Variants in ATF2 observed in about 807,000 individuals in gnomAD.
ATF2 encodes the protein cyclic AMP-dependent transcription factor ATF-2.
ATF2 carries 24 observed loss-of-function variants against 60.6 expected under a neutral mutation model. The ratio of observed to expected loss-of-function variants is 0.40; its 90% CI spans 0.29 to 0.56. The LOEUF is 0.56. ATF2 is among the 20% of genes least tolerant of loss of function. The pLI is 0.54. For synonymous variants in ATF2, 206 were observed against 215.4 expected (o/e 0.96, Z 0.38); for missense variants, 433 against 607.7 (o/e 0.71, Z 3.02).
At chr2:175,099,163 G>A (rs1424084388) in intron 10 of ATF2, among the ~76,000 whole-genome samples, 1 of 150,024 alleles carries the variant, frequency 6.7e-6, no homozygotes, top group Admixed American at 6.6e-5. Flanking sequence ...GAGGGCAGTG[G>A]CATGATCTTA....
Position 175,094,403 on chromosome 2 carries a change from GAAAAA to G in ATF2, c.979-1141_979-1137del, listed in dbSNP as rs61440218. Among the ~76,000 whole-genome samples, 214 of 61,144 alleles carry G rather than the reference GAAAAA, an allele frequency of 3.5e-3. 2 individuals are homozygous for G. Among genetic ancestry groups the G allele is most frequent in the African/African-American group, 7.9e-3 (170 of 21,550 alleles). The allele number at this position is 61,144 out of a possible 152,430, so 40.1% of individuals were successfully genotyped here. A position where few individuals can be genotyped will look rare whatever the true frequency, so the allele number is the denominator to read the frequency against. ...AGCGAGACTCAGTCTCAAAAAATAC[GAAAAA>G]AAAAAAAAAAAAAAAAAAAAAGAAA... On this transcript the variant is annotated intron_variant, in intron 11 of 13. Coordinates refer to ENST00000264110, the MANE Select transcript of ATF2 (RefSeq NM_001880.4).
intron 4 of ATF2, among the ~76,000 whole-genome samples, chr2:175,124,007 C>T (rs1313136983): frequency 6.6e-6 from 1 of 151,990 alleles, no homozygotes; most frequent in African/African-American, 2.4e-5. Flanking sequence ...GAAAGAAATG[C>T]ATTCTTTATT....
Position 175,139,399 on chromosome 2 carries a change from C to T in ATF2, c.-43-2913G>A, listed in dbSNP as rs547233159. Among the ~76,000 whole-genome samples, 3 of 152,268 alleles carry T rather than the reference C, an allele frequency of 2.0e-5. No individual in the cohort carries two copies. The East Asian group carries it at 5.8e-4, about 29-fold the overall frequency. ...TTTTAAAGAAATAGATAGCCAGGCGCAGTGGCTCACGCCTGTAATGCCAGC... is the reference window on the plus strand; with the variant it reads ...TTTTAAAGAAATAGATAGCCAGGCGTAGTGGCTCACGCCTGTAATGCCAGC... On this transcript the variant is annotated intron_variant, in intron 2 of 13. Coordinates refer to ENST00000264110, the MANE Select transcript of ATF2 (RefSeq NM_001880.4).
chr2:175,153,959 C>G (rs1232250072), intron 1 of ATF2, among the ~76,000 whole-genome samples: 2 of 151,714 alleles, frequency 1.3e-5, no homozygotes, highest in African/African-American at 4.8e-5. Flanking sequence ...GTGGCTCACG[C>G]CTGTAATCCC....
intron 2 of ATF2, among the ~76,000 whole-genome samples, chr2:175,143,032 T>C (rs1267415046): frequency 2.0e-5 from 3 of 152,184 alleles, no homozygotes; most frequent in East Asian, 1.9e-4. Flanking sequence ...GAAGTTTTCA[T>C]TGGCGTTCAG....
chr2:175,097,467 C>T lies in ATF2; in HGVS notation c.955G>A (p.Ala319Thr). The T allele has an allele frequency of 6.2e-7, 1 of 1,614,024 alleles. No homozygotes were observed. Among genetic ancestry groups the T allele is most frequent in the Non-Finnish European group, 8.5e-7 (1 of 1,179,976 alleles). The change falls in exon 11 of 14, where the codon GCC becomes ACC. Residue 319 changes from alanine (A) to threonine (T), a missense_variant. This residue lies in a region of ATF2 where 246 missense variants were observed against 309.3 expected (regional missense o/e 0.80). Transcript: ENST00000264110. Reference protein sequence around the residue: ...ESRPQSLQQPATSTTETPASP... With the variant: ...ESRPQSLQQPTTSTTETPASP... The stretch of plus-strand genomic sequence containing the variant: ...ACCGGAGTTTCTGTAGTGGATGTGG[C>T]TGGCTGTTGTAATGACTGCGGTCGA...
At position 175,103,625 on chromosome 2, in the gene ATF2, C is replaced by T. The variant is rs529629719; in HGVS notation, c.829-6032G>A. Among the ~76,000 whole-genome samples the T allele has an allele frequency of 2.0e-5, 3 of 151,004 alleles. No homozygotes were observed. The East Asian group carries it at 5.8e-4, about 29-fold the overall frequency. The stretch of plus-strand genomic sequence containing the variant: ...TTCAGTAGAAACCCCCTGCAGAAAA[C>T]CTACTGGCTACCCACTGTGTGCAAA... On this transcript the variant is annotated intron_variant, in intron 10 of 13. Coordinates refer to ENST00000264110, the MANE Select transcript of ATF2 (RefSeq NM_001880.4).
chr2:175,167,492 A>G, intron 1 of ATF2: 1 of 406,606 alleles, frequency 2.5e-6, no homozygotes, highest in Non-Finnish European at 5.2e-6. Flanking sequence ...TTCAAGCTGC[A>G]CCGCAGCCAG....
At chr2:175,117,627 A>C (rs1696670328) in intron 7 of ATF2, among the ~76,000 whole-genome samples, 1 of 152,006 alleles carries the variant, frequency 6.6e-6, no homozygotes, top group Non-Finnish European at 1.5e-5. Flanking sequence ...AATCCTGTAA[A>C]AGTCTAAAAA....
At chr2:175,136,780 A>T (rs1419895667) in intron 2 of ATF2, among the ~76,000 whole-genome samples, 2 of 152,212 alleles carry the variant, frequency 1.3e-5, no homozygotes, top group Non-Finnish European at 2.9e-5. Flanking sequence ...GAGTAAAAAA[A>T]TCCTTACTTT....
At chr2:175,131,829 T>C (rs1016382618) in intron 3 of ATF2, among the ~76,000 whole-genome samples, 5 of 152,300 alleles carry the variant, frequency 3.3e-5, no homozygotes, top group South Asian at 2.1e-4. Flanking sequence ...AACGTTTTTG[T>C]TTATGTACTA....
rs145547400 is a variant in ATF2, at chr2:175,093,079, T to C, written c.1167A>G (p.Ser389=). The change falls in exon 12 of 14, where the codon TCA becomes TCG. Residue 389 remains serine (S), a synonymous_variant. Coordinates refer to ENST00000264110, the MANE Select transcript of ATF2 (RefSeq NM_001880.4). The stretch of plus-strand genomic sequence containing the variant: ...ACCATACCTGCAGCTGACCATTTAA[T>C]GAACTCAAGTCTTCAGCTTTCTTCT... The part of the protein sequence containing the change: ...SLEKKAEDLS[S]LNGQLQSEVT... The C allele has an allele frequency of 3.7e-5, 60 of 1,614,190 alleles. 1 individual carries two copies. The African/African-American group carries it at 7.1e-4, about 19-fold the overall frequency.
At chr2:175,105,831 T>C (rs1695618715) in intron 10 of ATF2, among the ~76,000 whole-genome samples, 1 of 151,902 alleles carries the variant, frequency 6.6e-6, no homozygotes, top group Admixed American at 6.6e-5. Context: ...TAAATCAATA[T>C]GAAAAAGATA....
Position 175,131,672 on chromosome 2 carries a change from T to C in ATF2, c.33-1465A>G, listed in dbSNP as rs140595776. Among the ~76,000 whole-genome samples, 1,133 of 152,342 alleles carry C rather than the reference T, an allele frequency of 7.4e-3. 32 individuals carry two copies. Among genetic ancestry groups the C allele is most frequent in the Middle Eastern group, 0.051 (15 of 294 alleles). On this transcript the variant is annotated intron_variant, in intron 3 of 13. Coordinates refer to ENST00000264110, the MANE Select transcript of ATF2 (RefSeq NM_001880.4). ...TTACAAACTAAGGAATACTGATATA[T>C]AAATTTTTAAGTAAGAGCAAAGTAT...
intron 1 of ATF2, among the ~76,000 whole-genome samples, chr2:175,167,460 G>A (rs1418106353): frequency 6.6e-6 from 1 of 152,118 alleles, no homozygotes; most frequent in African/African-American, 2.4e-5. Flanking sequence ...CCAGCTCCTA[G>A]GTTCTCCACA....
chr2:175,086,107 C>A (rs1395298516), intron 12 of ATF2, among the ~76,000 whole-genome samples: 1 of 152,078 alleles, frequency 6.6e-6, no homozygotes, highest in Non-Finnish European at 1.5e-5. Flanking sequence ...AAGGTCTGCA[C>A]AATACAAATT....
At chr2:175,092,725 T>C (rs1457569090) in intron 12 of ATF2, 4 of 362,472 alleles carry the variant, frequency 1.1e-5, no homozygotes, top group South Asian at 2.5e-5. Flanking sequence ...ACCAAAAAAA[T>C]AGACAAGAAA....
chr2:175,141,983 T>C (rs1698577487), intron 2 of ATF2, among the ~76,000 whole-genome samples: 1 of 151,456 alleles, frequency 6.6e-6, no homozygotes, highest in Non-Finnish European at 1.5e-5. Flanking sequence ...GAGGAAGAGA[T>C]GGAACAGAAA....
chr2:175,099,946 GAGTGCCAAACCTGTT>G (rs752503030), intron 10 of ATF2, among the ~76,000 whole-genome samples: 1 of 152,236 alleles, frequency 6.6e-6, no homozygotes, highest in Non-Finnish European at 1.5e-5. Flanking sequence ...TAAGGATTTA[GAGTGCCAAACCTGTT>G]ACTGCAACTG....
Sources: gnomAD v4.1 joint callset for allele counts (sites outside exome capture counted in the v4.1 genomes callset) on GRCh38, gnomAD v4.1.1 for gene constraint, gnomAD v4.1.1 regional missense constraint, MANE v1.5 for transcripts, NCBI Gene and HGNC (gene_info 2026-07-23, HGNC 2026-07-21) for gene names.